PRSS16: variants seen among roughly 807,000 people sequenced by gnomAD.
PRSS16 encodes thymus-specific serine protease.
PRSS16 carries 43 observed loss-of-function variants against 61.7 expected under a neutral mutation model. That is an observed-to-expected ratio of 0.70 (90% CI 0.55 to 0.90). The LOEUF (loss-of-function observed/expected upper bound fraction) is 0.90. PRSS16 is among the 40% of genes least tolerant of loss of function. PRSS16 has a pLI of 0.00. For synonymous variants in PRSS16, 273 were observed against 285.2 expected, an observed-to-expected ratio of 0.96 and a Z score of 0.43; for missense variants, 591 against 659.1, an observed-to-expected ratio of 0.90 and a Z score of 1.13.
Position 27,252,179 on chromosome 6 carries a change from G to T in PRSS16, c.1008+139G>T. 9.6e-7 allele frequency: 1 copy of T among 1,045,060 alleles called. No homozygotes were observed. The highest frequency in any genetic ancestry group is 1.6e-5 in the African/African-American group (1 of 61,300). The allele number at this position is 1,045,060 out of a possible 1,614,324, so 64.7% of individuals were successfully genotyped here. On this transcript the variant is annotated intron_variant, in intron 8 of 11. Coordinates refer to ENST00000230582, the MANE Select transcript of PRSS16 (RefSeq NM_005865.4). This position sits in a 1 kb window ranked among gnomAD's most constrained non-coding sequence, Gnocchi z 4.2. ...TGTAAAATGGGGATAACACTTCACA[G>T]GGCCGATGGGAAGATGAAATGAGGC... is the stretch of plus-strand genomic sequence containing the variant.
rs1320677569 is a variant in PRSS16 at position 27,256,448 on chromosome 6, G to C, written c.*1133G>C. 1 of 152,630 alleles carries C rather than the reference G, an allele frequency of 6.6e-6. No homozygotes were observed. The highest frequency in any genetic ancestry group is 2.4e-5 in the African/African-American group (1 of 41,450). The allele number at this position is 152,630 out of a possible 1,614,324, so 9.5% of individuals were successfully genotyped here. A position where few individuals can be genotyped will look rare whatever the true frequency, so the allele number is the denominator to read the frequency against. ...TATTTTCAGCAATAAATACTTCTCA[G>C]CTTTTTGTATGTCTTTGTATGCACA... On this transcript the variant is annotated 3_prime_UTR_variant, in exon 12 of 12. Coordinates refer to ENST00000230582, the MANE Select transcript of PRSS16 (RefSeq NM_005865.4).
Position 27,255,556 on chromosome 6 carries a change from G to T in PRSS16, c.*241G>T. The T allele has an allele frequency of 2.2e-6, 1 of 464,530 alleles. No individual in the cohort carries two copies. The highest frequency in any genetic ancestry group is 3.9e-5 in the East Asian group (1 of 25,800). 28.8% of individuals were successfully genotyped at this position (464,530 alleles called of 1,614,324 possible). The stretch of plus-strand genomic sequence containing the variant: ...TTCTCATTGTAAATATTGGTATTTT[G>T]AATGTTAAATGTCAAACAAATGTGA... On this transcript the variant is annotated 3_prime_UTR_variant, in exon 12 of 12. Transcript: ENST00000230582. The surrounding 1 kb of genome is among the most constrained non-coding windows in gnomAD (Gnocchi z 4.4).
rs998582300 is a variant in PRSS16, at chr6:27,249,330, CCT to C, written c.467+104_467+105del. 17 of 1,408,010 alleles carry C rather than the reference CCT, an allele frequency of 1.2e-5. No homozygotes were observed. In the African/African-American group the frequency reaches 1.9e-4, roughly 15 times the overall value. 87.2% of individuals were successfully genotyped at this position (1,408,010 alleles called of 1,614,324 possible). A position where few individuals can be genotyped will look rare whatever the true frequency, so the allele number is the denominator to read the frequency against. On this transcript the variant is annotated intron_variant, in intron 4 of 11. Transcript: ENST00000230582. ...TCTCTCCTCCACTGTCTGAAGTCAA[CCT>C]CTGAGTCTCTGGTTCCCTCTGTTTT...
rs1305095980 is a variant in PRSS16 at position 27,252,419 on chromosome 6, C to T, written c.1008+379C>T. 1 of 374,712 alleles carries T rather than the reference C, an allele frequency of 2.7e-6. No homozygotes were observed. The highest frequency in any genetic ancestry group is 4.8e-6 in the Non-Finnish European group (1 of 208,990). 23.2% of individuals were successfully genotyped at this position (374,712 alleles called of 1,614,324 possible). A position where few individuals can be genotyped will look rare whatever the true frequency, so the allele number is the denominator to read the frequency against. ...TCTCCTAGGTACCTGGGACTGCAGC[C>T]TCTAAATCCACAACTGCAATCCAGC... On this transcript the variant is annotated intron_variant, in intron 8 of 11. Coordinates refer to ENST00000230582, the MANE Select transcript of PRSS16 (RefSeq NM_005865.4). The surrounding 1 kb of genome is among the most constrained non-coding windows in gnomAD (Gnocchi z 4.2).
In PRSS16 at chr6:27,255,727, C is replaced by A; in HGVS notation, c.*412C>A. 5.5e-6 allele frequency: 1 copy of A among 180,414 alleles called. No individual in the cohort carries two copies. Among genetic ancestry groups the A allele is most frequent in the Non-Finnish European group, 1.2e-5 (1 of 85,302 alleles). 11.2% of individuals were successfully genotyped at this position (180,414 alleles called of 1,614,324 possible). On this transcript the variant is annotated 3_prime_UTR_variant, in exon 12 of 12. Transcript: ENST00000230582. The surrounding 1 kb of genome is among the most constrained non-coding windows in gnomAD (Gnocchi z 4.4). ...TTGCTTCTCAGTTTCTCTCACTGTA[C>A]CCCTTTCCCTCAGTCTCTTCCTCTC...
chr6:27,248,136 C>A, intron 2 of PRSS16, 88 bp downstream of exon 2: 1 of 1,403,440 alleles, frequency 7.1e-7, no homozygotes, highest in Non-Finnish European at 9.6e-7. Flanking sequence ...TTTTTTCTCT[C>A]TCCACACCTC....
In PRSS16 at chr6:27,251,620, A is replaced by G. The variant is rs1275220499; in HGVS notation, c.718-130A>G. 2.0e-6 allele frequency: 2 copies of G among 1,019,106 alleles called. No homozygotes were observed. Among genetic ancestry groups the G allele is most frequent in the Non-Finnish European group, 2.7e-6 (2 of 740,456 alleles). The allele number at this position is 1,019,106 out of a possible 1,614,324, so 63.1% of individuals were successfully genotyped here. On this transcript the variant is annotated intron_variant, in intron 7 of 11. Coordinates refer to ENST00000230582, the MANE Select transcript of PRSS16 (RefSeq NM_005865.4). The surrounding 1 kb of genome is among the most constrained non-coding windows in gnomAD (Gnocchi z 5.6). ...GGGCCTGGGGGCGGGGGCCTGGGCC[A>G]AGAGCTAGGTCTGCACCCTCTGAGT...
chr6:27,248,754 A>C, intron 2 of PRSS16, 93 bp from the exon 3 acceptor site: 1 of 796,988 alleles, frequency 1.3e-6, no homozygotes, highest in Non-Finnish European at 2.0e-6. Flanking sequence ...ATAAGGAAAG[A>C]TCCATTAGGA....
Position 27,250,696 on chromosome 6 carries a change from G to T in PRSS16, c.481G>T (p.Val161Phe). 6.2e-7 allele frequency: 1 copy of T among 1,611,972 alleles called. No individual in the cohort carries two copies. The highest frequency in any genetic ancestry group is 8.5e-7 in the Non-Finnish European group (1 of 1,178,848). Residue 161 changes from valine to phenylalanine, a missense_variant, in exon 5 of 12, where the codon GTC (valine) becomes TTC (phenylalanine). By Grantham distance (50) the Val-to-Phe change is conservative. Coordinates refer to ENST00000230582, the MANE Select transcript of PRSS16 (RefSeq NM_005865.4). ...CTTTGACCCTAGGCTGGCTGATGTG[G>T]TCTCTGCCCGCCTGGCACTTTCCCG... is the stretch of plus-strand genomic sequence containing the variant. ...LSSRLALADVVSARLALSRLF... is the reference protein window; with the variant it reads ...LSSRLALADVFSARLALSRLF...
In PRSS16 at chr6:27,254,879, A is replaced by G. The variant is rs749562669; in HGVS notation, c.1330+7A>G. On this transcript the variant is annotated splice_region_variant and intron_variant, in intron 10 of 11. Transcript: ENST00000230582. ...AAAGTGCTGTTTGTTAATGGTGAGC[A>G]TGCTATCAAAACCTGGCTGCTAAGC... is the stretch of plus-strand genomic sequence containing the variant. 21 of 1,613,674 alleles carry G rather than the reference A, an allele frequency of 1.3e-5. No individual in the cohort carries two copies. The highest frequency in any genetic ancestry group is 1.4e-5 in the Non-Finnish European group (17 of 1,179,680).
Position 27,251,882 on chromosome 6 carries a change from CT to C in PRSS16, c.851del (p.Leu284ArgfsTer12). ...GGGCCGCGCTGAAAACCAGGCGGAGCTGTTGGGGGCGCTGCAGGCACTGGTG... is the reference window on the plus strand; with the variant it reads ...GGGCCGCGCTGAAAACCAGGCGGAGCGTTGGGGGCGCTGCAGGCACTGGTG... ...PLGRAENQAE[L>X]LGALQALVGG... is the part of the protein sequence containing the mutation. On this transcript the variant is annotated frameshift_variant, in exon 8 of 12. Transcript: ENST00000230582. LOFTEE classifies it high-confidence loss of function. This position sits in a 1 kb window ranked among gnomAD's most constrained non-coding sequence, Gnocchi z 5.6. 6.2e-7 allele frequency: 1 copy of C among 1,613,356 alleles called. No individual in the cohort carries two copies. Among genetic ancestry groups the C allele is most frequent in the Non-Finnish European group, 8.5e-7 (1 of 1,179,790 alleles).
Position 27,248,663 on chromosome 6 carries a change from T to C in PRSS16, c.238-184T>C, listed in dbSNP as rs1032361710. Among the ~76,000 whole-genome samples, 11 of 151,852 alleles carry C rather than the reference T, an allele frequency of 7.2e-5. 1 individual carries two copies. The highest frequency in any genetic ancestry group is 2.7e-4 in the African/African-American group (11 of 41,316). ...CAGGTCAAAAATTTGCTTTTGTATA[T>C]TTTGCATTCTAGATGAGGAGATGAA... is the stretch of plus-strand genomic sequence containing the variant. On this transcript the variant is annotated intron_variant, in intron 2 of 11. Coordinates refer to ENST00000230582, the MANE Select transcript of PRSS16 (RefSeq NM_005865.4).
At position 27,251,320 on chromosome 6, in the gene PRSS16, C is replaced by T; in HGVS notation, c.717+56C>T. On this transcript the variant is annotated intron_variant, in intron 7 of 11. Coordinates refer to ENST00000230582, the MANE Select transcript of PRSS16 (RefSeq NM_005865.4). This position sits in a 1 kb window ranked among gnomAD's most constrained non-coding sequence, Gnocchi z 5.6. Reference sequence around the variant, plus strand: ...TGGGAGGGAAAAGAGGCCTCGGATGCCAGGGAAGAGGAGGCCAGAGAAGGG... The same window carrying T: ...TGGGAGGGAAAAGAGGCCTCGGATGTCAGGGAAGAGGAGGCCAGAGAAGGG... The T allele has an allele frequency of 3.9e-6, 6 of 1,541,010 alleles. No homozygotes were observed. Among genetic ancestry groups the T allele is most frequent in the Non-Finnish European group, 5.2e-6 (6 of 1,145,620 alleles).
rs1374734029 is a variant in PRSS16 at position 27,251,398 on chromosome 6, G to A, written c.717+134G>A. The A allele has an allele frequency of 4.3e-6, 5 of 1,171,708 alleles. No individual in the cohort carries two copies. Among genetic ancestry groups the A allele is most frequent in the Non-Finnish European group, 1.2e-6 (1 of 856,506 alleles). 72.6% of individuals were successfully genotyped at this position (1,171,708 alleles called of 1,614,324 possible). A position where few individuals can be genotyped will look rare whatever the true frequency, so the allele number is the denominator to read the frequency against. On this transcript the variant is annotated intron_variant, in intron 7 of 11. Coordinates refer to ENST00000230582, the MANE Select transcript of PRSS16 (RefSeq NM_005865.4). This position sits in a 1 kb window ranked among gnomAD's most constrained non-coding sequence, Gnocchi z 5.6. ...GGAAGGTCGGAGCTCGGGGGAATAC[G>A]CAGGTTTTGGAAGAAGGCGGGAGCT... is the stretch of plus-strand genomic sequence containing the variant.
intron 4 of PRSS16, 80 bp downstream of exon 4, chr6:27,249,309 T>C: frequency 6.7e-7 from 1 of 1,497,042 alleles, no homozygotes; most frequent in Non-Finnish European, 9.0e-7. Flanking sequence ...TGTGTCTCTC[T>C]CCTCCACTGT....
intron 9 of PRSS16, chr6:27,253,384 A>G (rs755290956): frequency 1.4e-5 from 5 of 350,290 alleles, no homozygotes; most frequent in Non-Finnish European, 2.8e-5. Context: ...CCTGCTGGGA[A>G]CCTCCATTCT....
chr6:27,254,730 G>A lies in PRSS16; in HGVS notation c.1188G>A (p.Gln396=). The part of the protein sequence containing the change: ...TCENPRCPFS[Q]LPALPSQLDL... ...AGAATCCCAGATGTCCTTTCTCCCA[G>A]CTCCCAGCACTGCCCTCCCAGCTAG... is the stretch of plus-strand genomic sequence containing the variant. Residue 396 remains glutamine (Q), a synonymous_variant, in exon 10 of 12, where the codon CAG becomes CAA. Coordinates refer to ENST00000230582, the MANE Select transcript of PRSS16 (RefSeq NM_005865.4). 2 of 1,613,982 alleles carry A rather than the reference G, an allele frequency of 1.2e-6. No homozygotes were observed. The highest frequency in any genetic ancestry group is 1.7e-6 in the Non-Finnish European group (2 of 1,179,858).
chr6:27,248,985 G>A, intron 3 of PRSS16, 39 bp downstream of exon 3: 1 of 1,565,388 alleles, frequency 6.4e-7, no homozygotes, highest in East Asian at 2.2e-5. Flanking sequence ...TGGGATGCTG[G>A]TGGGGACCAG....
In PRSS16 at chr6:27,252,695, GA is replaced by G; in HGVS notation, c.1009-111del. ...ACCACTGACTCCCAGGAGAACTCAG[GA>G]ACTCACCCTTCTATTTCTGACTTTT... On this transcript the variant is annotated intron_variant, in intron 8 of 11. Coordinates refer to ENST00000230582, the MANE Select transcript of PRSS16 (RefSeq NM_005865.4). This position sits in a 1 kb window ranked among gnomAD's most constrained non-coding sequence, Gnocchi z 4.2. 8.4e-7 allele frequency: 1 copy of G among 1,190,500 alleles called. No individual in the cohort carries two copies. Among genetic ancestry groups the G allele is most frequent in the Admixed American group, 2.1e-5 (1 of 47,252 alleles). 73.7% of individuals were successfully genotyped at this position (1,190,500 alleles called of 1,614,324 possible).
Sources: allele counts gnomAD v4.1 joint callset (sites outside exome capture counted in the v4.1 genomes callset), GRCh38; gene constraint gnomAD v4.1.1; non-coding constraint Gnocchi (gnomAD v3.1); transcripts MANE v1.5; gene names NCBI Gene and HGNC (gene_info 2026-07-23, HGNC 2026-07-21).